Variants in ABR observed in about 807,000 individuals in gnomAD.
ABR encodes active breakpoint cluster region-related protein.
Under a neutral mutation model 107.2 loss-of-function variants are expected in ABR, and 35 were observed. The ratio of observed to expected loss-of-function variants is 0.33; its 90% confidence interval spans 0.25 to 0.43. The LOEUF (loss-of-function observed/expected upper bound fraction) is 0.43. ABR is among the 20% of genes least tolerant of loss of function. ABR has a pLI of 1.00. For missense variants in ABR, 815 were observed against 1,115.2 expected (o/e 0.73, Z 3.83); for synonymous variants, 498 against 462.0 (o/e 1.08, Z -1.00).
Position 1,179,296 on chromosome 17 carries a change from G to C in ABR, c.61+371C>G, listed in dbSNP as rs1227830305. ...AGAGAAGCTGCCGGTCCAGGGGCGG[G>C]GGCAGCACCCAGAAGGGCCTCCCTC... On this transcript the variant is annotated intron_variant, in intron 1 of 22. Transcript: ENST00000302538. The surrounding 1 kb of genome is among the most constrained non-coding windows in gnomAD (Gnocchi z 4.9). Among the ~76,000 whole-genome samples, 1 of 152,132 alleles carries C rather than the reference G, an allele frequency of 6.6e-6. No homozygotes were observed. The highest frequency in any genetic ancestry group is 1.5e-5 in the Non-Finnish European group (1 of 68,024).
chr17:1,010,605 A>G lies in ABR; in HGVS notation c.2236+124T>C, dbSNP rs2070450104. On this transcript the variant is annotated intron_variant, in intron 20 of 22. Coordinates refer to ENST00000302538, the MANE Select transcript of ABR (RefSeq NM_021962.5). The surrounding 1 kb of genome is among the most constrained non-coding windows in gnomAD (Gnocchi z 4.1). ...CTCGGACCCCTCAGCCACAGGCCCC[A>G]GTGCACTGGGAAGGTCAGCCAGCAA... is the stretch of plus-strand genomic sequence containing the variant. The G allele has an allele frequency of 7.4e-7, 1 of 1,345,698 alleles. No homozygotes were observed. The highest frequency in any genetic ancestry group is 1.0e-6 in the Non-Finnish European group (1 of 983,938). The allele number at this position is 1,345,698 out of a possible 1,614,324, so 83.4% of individuals were successfully genotyped here.
chr17:1,079,953 C>T (rs1181880947), intron 5 of ABR, among the ~76,000 whole-genome samples: 3 of 152,014 alleles, frequency 2.0e-5, no homozygotes, highest in Non-Finnish European at 2.9e-5. Context: ...GAAGGGACTC[C>T]AGGTCCCAGA....
rs2151553643 is a variant in ABR at position 1,157,332 on chromosome 17, C to A, written c.61+22335G>T. Among the ~76,000 whole-genome samples the A allele has an allele frequency of 6.6e-6, 1 of 151,674 alleles. No individual in the cohort carries two copies. The highest frequency in any genetic ancestry group is 1.9e-4 in the East Asian group (1 of 5,150). ...AAGGTGCAACCTTAGCTCACTGCAACCTCCACCTCCCGGGTTCAAGTAATT... is the reference window on the plus strand; with the variant it reads ...AAGGTGCAACCTTAGCTCACTGCAAACTCCACCTCCCGGGTTCAAGTAATT... On this transcript the variant is annotated intron_variant, in intron 1 of 22. Transcript: ENST00000302538. This position sits in a 1 kb window ranked among gnomAD's most constrained non-coding sequence, Gnocchi z 4.7.
At chr17:1,202,275 C>T (rs1207418161) in intron 1 of ABR, among the ~76,000 whole-genome samples, 1 of 151,046 alleles carries the variant, frequency 6.6e-6, no homozygotes, top group East Asian at 2.0e-4. Context: ...TGATCCACCC[C>T]CTTCGGCCTC....
In ABR at chr17:1,091,913, C is replaced by G; in HGVS notation, c.346-63G>C. On this transcript the variant is annotated intron_variant, in intron 3 of 22. Transcript: ENST00000302538. The stretch of plus-strand genomic sequence containing the variant: ...GTAAACAAACCAGAGTGTCGGCAGG[C>G]CCCGGGGCCGATCGTTAGCCCTTCC... 3 of 1,517,798 alleles carry G rather than the reference C, an allele frequency of 2.0e-6. No individual in the cohort carries two copies. The Admixed American group carries it at 5.6e-5, about 29-fold the overall frequency. 94.0% of individuals were successfully genotyped at this position (1,517,798 alleles called of 1,614,324 possible).
intron 16 of ABR, among the ~76,000 whole-genome samples, chr17:1,043,804 G>A (rs1031904482): frequency 2.0e-5 from 3 of 152,374 alleles, no homozygotes; most frequent in South Asian, 4.1e-4. Flanking sequence ...TGGCAGGCAC[G>A]TGGGGAAGTG....
intron 2 of ABR, among the ~76,000 whole-genome samples, chr17:1,105,908 A>C (rs1180486571): frequency 1.3e-5 from 2 of 152,152 alleles, no homozygotes; most frequent in Non-Finnish European, 2.9e-5. Context: ...CTAAAGGGTT[A>C]ATCTGCATTA....
chr17:1,180,539 G>A (rs1022455010), upstream of ABR, among the ~76,000 whole-genome samples: 15 of 152,208 alleles, frequency 9.9e-5, no homozygotes, highest in African/African-American at 3.6e-4. Context: ...CCGAAGTCAC[G>A]GGGGCTGTGG....
At position 1,179,592 on chromosome 17, in the gene ABR, G is replaced by C. The variant is rs2042049376; in HGVS notation, c.61+75C>G. On this transcript the variant is annotated intron_variant, in intron 1 of 22. Transcript: ENST00000302538. This position sits in a 1 kb window ranked among gnomAD's most constrained non-coding sequence, Gnocchi z 4.9. ...ATCCCGATCTTGGGGTCCCGATCCC[G>C]ATCCTGGGGTCCCGATCTCCATCCT... 7.2e-7 allele frequency: 1 copy of C among 1,383,190 alleles called. No individual in the cohort carries two copies. The highest frequency in any genetic ancestry group is 9.5e-7 in the Non-Finnish European group (1 of 1,053,368). The allele number at this position is 1,383,190 out of a possible 1,614,324, so 85.7% of individuals were successfully genotyped here.
chr17:1,201,605 A>C (rs1342460727), intron 1 of ABR, among the ~76,000 whole-genome samples: 2 of 152,164 alleles, frequency 1.3e-5, no homozygotes, highest in East Asian at 3.9e-4. Context: ...AAGGTCACCA[A>C]AGCAAAACCA....
At position 1,091,873 on chromosome 17, in the gene ABR, G is replaced by C. The variant is rs770500293; in HGVS notation, c.346-23C>G. 1.9e-6 allele frequency: 3 copies of C among 1,606,562 alleles called. No individual in the cohort carries two copies. The Admixed American group carries it at 5.0e-5, about 27-fold the overall frequency. On this transcript the variant is annotated intron_variant, in intron 3 of 22. Transcript: ENST00000302538. Reference sequence around the variant, plus strand: ...GGGCTGGGAGAAACAGAGGAAGAAAGAGCAGAGGTCGGGGGTAAACAAACC... The same window carrying C: ...GGGCTGGGAGAAACAGAGGAAGAAACAGCAGAGGTCGGGGGTAAACAAACC...
chr17:1,179,652 G>A lies in ABR; in HGVS notation c.61+15C>T, dbSNP rs1265639133. On this transcript the variant is annotated intron_variant, in intron 1 of 22. Transcript: ENST00000302538. This position sits in a 1 kb window ranked among gnomAD's most constrained non-coding sequence, Gnocchi z 4.9. ...ATCCCGATCCTGGGGTCCCGCCCCC[G>A]CCCGGCACACGTACTGCTGTAGAGG... The A allele has an allele frequency of 6.5e-7, 1 of 1,526,920 alleles. No individual in the cohort carries two copies. Among genetic ancestry groups the A allele is most frequent in the South Asian group, 1.2e-5 (1 of 81,448 alleles). 94.6% of individuals were successfully genotyped at this position (1,526,920 alleles called of 1,614,324 possible).
At chr17:1,139,694 C>A (rs1436541351) in intron 1 of ABR, among the ~76,000 whole-genome samples, 1 of 152,172 alleles carries the variant, frequency 6.6e-6, no homozygotes, top group Non-Finnish European at 1.5e-5. Flanking sequence ...AGTTAAGTTA[C>A]TCGCCCAAGA....
intron 1 of ABR, among the ~76,000 whole-genome samples, chr17:1,138,384 G>C (rs1233860429): frequency 6.6e-6 from 1 of 152,158 alleles, no homozygotes; most frequent in East Asian, 1.9e-4. Flanking sequence ...CTTGATCTGG[G>C]TGTTAGTTAC....
intron 1 of ABR, among the ~76,000 whole-genome samples, chr17:1,126,891 G>A (rs1343504665): frequency 6.6e-6 from 1 of 152,236 alleles, no homozygotes; most frequent in Non-Finnish European, 1.5e-5. Flanking sequence ...AATGAGCAGA[G>A]GATCGCACCG....
chr17:1,227,919 A>G (rs2043251521), intron 1 of ABR, among the ~76,000 whole-genome samples: 1 of 152,208 alleles, frequency 6.6e-6, no homozygotes, highest in Non-Finnish European at 1.5e-5. Context: ...GCTGCAAAGC[A>G]CCGTGCATAC....
chr17:1,074,499 T>C (rs1258703985), intron 6 of ABR, among the ~76,000 whole-genome samples: 3 of 152,228 alleles, frequency 2.0e-5, no homozygotes, highest in African/African-American at 7.2e-5. Flanking sequence ...GAAGGAGACA[T>C]GCTGTGTTTC....
chr17:1,191,441 T>A (rs558077191), upstream of ABR, among the ~76,000 whole-genome samples: 11 of 135,488 alleles, frequency 8.1e-5, no homozygotes, highest in South Asian at 1.3e-3. Flanking sequence ...CACTGCAACC[T>A]CCACCTCCCG....
intron 1 of ABR, among the ~76,000 whole-genome samples, chr17:1,226,413 G>C (rs942351935): frequency 6.6e-6 from 1 of 152,160 alleles, no homozygotes. Flanking sequence ...ATGCATGTAT[G>C]TGGCAGTGTG....
Sources: allele counts gnomAD v4.1 joint callset (sites outside exome capture counted in the v4.1 genomes callset), GRCh38; gene constraint gnomAD v4.1.1; non-coding constraint Gnocchi (gnomAD v3.1); transcripts MANE v1.5; gene names NCBI Gene and HGNC (gene_info 2026-07-23, HGNC 2026-07-21).